Variants in NELL1 observed in about 807,000 individuals in gnomAD.
The protein encoded by NELL1 is protein kinase C-binding protein NELL1.
Under a neutral mutation model 107.4 loss-of-function variants are expected in NELL1, and 76 were observed. The observed-to-expected ratio is 0.71, with a 90% CI of 0.59 to 0.86. NELL1 has a LOEUF of 0.86. Among genes scored for constraint, NELL1 ranks in the 40% least tolerant of loss-of-function variants. The pLI is 0.00. For missense variants in NELL1, 1,024 were observed against 1,005.5 expected (o/e 1.02, Z -0.25); for synonymous variants, 353 against 341.2 (o/e 1.03, Z -0.38).
In NELL1 at chr11:20,927,404, T is replaced by A; in HGVS notation, c.856T>A (p.Trp286Arg). The A allele has an allele frequency of 6.2e-7, 1 of 1,612,434 alleles. No homozygotes were observed. Among genetic ancestry groups the A allele is most frequent in the Non-Finnish European group, 8.5e-7 (1 of 1,179,646 alleles). The part of the protein sequence containing the change: ...SGLLYRDQDS[W>R]VDGDHCRNCT... ...ACTGCTCTATCGAGATCAAGACTCTTGGGTAGATGGTGACCATTGCAGGAA... is the reference window on the plus strand; with the variant it reads ...ACTGCTCTATCGAGATCAAGACTCTAGGGTAGATGGTGACCATTGCAGGAA... The change falls in exon 8 of 20, where the codon TGG becomes AGG. Residue 286 changes from tryptophan (W) to arginine (R), a missense_variant. Physicochemically the swap from Trp to Arg is moderately radical, Grantham distance 101. Transcript: ENST00000357134.
intron 3 of NELL1, among the ~76,000 whole-genome samples, chr11:20,801,876 GA>G (rs1857287048): frequency 6.6e-6 from 1 of 152,046 alleles, no homozygotes; most frequent in Non-Finnish European, 1.5e-5. Flanking sequence ...CACCTTCATA[GA>G]AAATGAGTTT....
chr11:21,568,775 A>C (rs891643269), intron 17 of NELL1, among the ~76,000 whole-genome samples: 1 of 151,698 alleles, frequency 6.6e-6, no homozygotes, highest in African/African-American at 2.4e-5. Flanking sequence ...GTCTTCAGGG[A>C]CAATAACACG....
At chr11:20,696,036 A>G (rs1232908557) in intron 2 of NELL1, among the ~76,000 whole-genome samples, 1 of 152,078 alleles carries the variant, frequency 6.6e-6, no homozygotes, top group East Asian at 1.9e-4. Flanking sequence ...GAATTTATCC[A>G]TTTCTGGATA....
intron 12 of NELL1, among the ~76,000 whole-genome samples, chr11:21,016,782 A>C: frequency 6.6e-6 from 1 of 152,068 alleles, no homozygotes; most frequent in East Asian, 1.9e-4. Context: ...TAAACTTAAT[A>C]GCACCTAAGG....
chr11:21,290,787 T>C (rs1183760091), intron 14 of NELL1, among the ~76,000 whole-genome samples: 1 of 151,902 alleles, frequency 6.6e-6, no homozygotes, highest in Non-Finnish European at 1.5e-5. Context: ...CAGAAAGGAA[T>C]AGCATCAACA....
intron 13 of NELL1, among the ~76,000 whole-genome samples, chr11:21,218,710 A>G (rs1291012747): frequency 1.3e-5 from 2 of 152,160 alleles, no homozygotes; most frequent in African/African-American, 4.8e-5. Flanking sequence ...TCAAATTTTT[A>G]AAGTCCCAAG....
At chr11:21,277,888 G>A (rs572911840) in intron 14 of NELL1, among the ~76,000 whole-genome samples, 3 of 152,208 alleles carry the variant, frequency 2.0e-5, no homozygotes, top group African/African-American at 7.2e-5. Flanking sequence ...ATCACACACC[G>A]GGGCCTGTTG....
intron 12 of NELL1, among the ~76,000 whole-genome samples, chr11:21,102,307 T>C (rs1456663986): frequency 6.6e-6 from 1 of 152,202 alleles, no homozygotes; most frequent in Non-Finnish European, 1.5e-5. Context: ...CACAGACCTT[T>C]ATAATATCTA....
intron 3 of NELL1, among the ~76,000 whole-genome samples, chr11:20,844,158 T>G (rs1465174665): frequency 6.6e-6 from 1 of 152,158 alleles, no homozygotes; most frequent in Non-Finnish European, 1.5e-5. Flanking sequence ...TCCTGGATGC[T>G]GTATTTAAGT....
chr11:21,148,076 A>G (rs966022351), intron 13 of NELL1, among the ~76,000 whole-genome samples: 1 of 152,102 alleles, frequency 6.6e-6, no homozygotes, highest in Non-Finnish European at 1.5e-5. Flanking sequence ...TTTGACGAGT[A>G]TCTTAAGTGT....
intron 16 of NELL1, among the ~76,000 whole-genome samples, chr11:21,557,714 G>C (rs79118507): frequency 0.018 from 2,720 of 152,052 alleles, 91 homozygotes; most frequent in African/African-American, 0.062. Context: ...TCACAGATGA[G>C]AACTCAACAA....
intron 15 of NELL1, among the ~76,000 whole-genome samples, chr11:21,508,417 T>C (rs1218642424): frequency 6.6e-6 from 1 of 152,082 alleles, no homozygotes; most frequent in Non-Finnish European, 1.5e-5. Context: ...CGCAGATAAG[T>C]ATGAGCAAGG....
At chr11:20,958,384 A>G (rs942991861) in intron 11 of NELL1, among the ~76,000 whole-genome samples, 3 of 152,128 alleles carry the variant, frequency 2.0e-5, no homozygotes, top group Non-Finnish European at 4.4e-5. Context: ...CCGCACTCCA[A>G]CCTGGGCAAC....
At chr11:20,996,157 T>A (rs762338640) in intron 12 of NELL1, among the ~76,000 whole-genome samples, 2 of 152,206 alleles carry the variant, frequency 1.3e-5, no homozygotes, top group Non-Finnish European at 2.9e-5. Context: ...GGTCCTTGGA[T>A]CTCACTTAAC....
intron 15 of NELL1, among the ~76,000 whole-genome samples, chr11:21,452,486 ATT>A (rs1853612630): frequency 6.6e-6 from 1 of 151,974 alleles, no homozygotes; most frequent in Non-Finnish European, 1.5e-5. Context: ...ACAGTTTTTT[ATT>A]ATATTCCCTG....
intron 12 of NELL1, among the ~76,000 whole-genome samples, chr11:20,971,598 G>A (rs913334487): frequency 1.3e-5 from 2 of 152,112 alleles, no homozygotes; most frequent in African/African-American, 2.4e-5. Context: ...GCTTCCTGGC[G>A]AAGCTTGCCT....
At chr11:20,804,474 G>A (rs1265762129) in intron 3 of NELL1, among the ~76,000 whole-genome samples, 2 of 152,178 alleles carry the variant, frequency 1.3e-5, no homozygotes, top group Non-Finnish European at 2.9e-5. Context: ...GACATCAAGT[G>A]ATGCACCTGC....
At chr11:21,094,264 G>A (rs942436935) in intron 12 of NELL1, among the ~76,000 whole-genome samples, 1 of 152,226 alleles carries the variant, frequency 6.6e-6, no homozygotes, top group Non-Finnish European at 1.5e-5. Flanking sequence ...AGGTCATGCA[G>A]ATGAAAGAGG....
At chr11:20,940,323 A>G (rs533121734) in intron 10 of NELL1, among the ~76,000 whole-genome samples, 237 of 151,792 alleles carry the variant, frequency 1.6e-3, no homozygotes, top group African/African-American at 5.5e-3. Context: ...GCAGTAGCAC[A>G]ATCTCGGCTC....
Sources: allele counts gnomAD v4.1 joint callset (sites outside exome capture counted in the v4.1 genomes callset), GRCh38; gene constraint gnomAD v4.1.1; transcripts MANE v1.5; gene names NCBI Gene and HGNC (gene_info 2026-07-23, HGNC 2026-07-21).